PDXDC1: variants seen among roughly 807,000 people sequenced by gnomAD.
PDXDC1 encodes pyridoxal dependent decarboxylase domain containing 1.
A neutral mutation model predicts 100.1 loss-of-function variants in PDXDC1; 42 were observed. That is an observed-to-expected ratio of 0.42 (90% CI 0.33 to 0.54). PDXDC1 has a LOEUF of 0.54. Ranked by LOEUF, PDXDC1 falls within the 20% of genes least tolerant of loss-of-function variation. PDXDC1 has a pLI of 0.10. For synonymous variants in PDXDC1, 260 were observed against 371.7 expected, an observed-to-expected ratio of 0.70 and a Z score of 3.46; for missense variants, 636 against 979.2, an observed-to-expected ratio of 0.65 and a Z score of 4.68.
At chr16:15,024,052 G>A (rs776151724) in intron 13 of PDXDC1, among the ~76,000 whole-genome samples, 11 of 152,394 alleles carry the variant, frequency 7.2e-5, no homozygotes, top group East Asian at 3.9e-4. Context: ...CTCAGTCATC[G>A]CTGCTCCCTT....
chr16:15,079,070 A>G (rs1016437325), intron 16 of PDXDC1, among the ~76,000 whole-genome samples: 11 of 152,086 alleles, frequency 7.2e-5, no homozygotes, highest in Admixed American at 5.9e-4. Context: ...TCGGCCTCCC[A>G]AAGTGCTGGG....
At chr16:14,991,526 A>ATTTTTT (rs1168644641) in intron 1 of PDXDC1, among the ~76,000 whole-genome samples, 9 of 136,450 alleles carry the variant, frequency 6.6e-5, no homozygotes, top group African/African-American at 1.9e-4. Context: ...TATTTTGTCT[A>ATTTTTT]TTTTTTTTTT....
chr16:15,083,448 T>C lies in PDXDC1; in HGVS notation c.1399+53392T>C, dbSNP rs1448900791. ...CTGGAAAAGAAAGAAAAAGACCTAA[T>C]ATCATCTAAAATGAAATCGTACAAA... On this transcript the variant is annotated intron_variant, in intron 16 of 16. Coordinates refer to the PDXDC1 transcript ENST00000535621. The C allele has an allele frequency of 3.1e-6, 5 of 1,597,674 alleles. No homozygotes were observed. The African/African-American group carries it at 4.1e-5, about 13-fold the overall frequency.
chr16:15,106,426 A>C (rs1414152475), intron 16 of PDXDC1: 2 of 602,326 alleles, frequency 3.3e-6, no homozygotes. Context: ...TACACAATCT[A>C]TCTCTACCTA....
At chr16:15,073,217 G>A in intron 16 of PDXDC1, 1 of 998,406 alleles carries the variant, frequency 1.0e-6, no homozygotes, top group Non-Finnish European at 1.5e-6. Flanking sequence ...TGCAATCCCA[G>A]CACTTTGGGA....
At chr16:15,057,042 C>T (rs758442463) in intron 16 of PDXDC1, among the ~76,000 whole-genome samples, 2 of 152,158 alleles carry the variant, frequency 1.3e-5, no homozygotes, top group Non-Finnish European at 2.9e-5. Context: ...ATTCATCCAA[C>T]TCTGCAGCAC....
At chr16:15,141,324 G>C (rs1376008857), downstream of PDXDC1, among the ~76,000 whole-genome samples, 4 of 152,252 alleles carry the variant, frequency 2.6e-5, no homozygotes, top group Non-Finnish European at 5.9e-5. Flanking sequence ...CACCCCAGCT[G>C]AGGGGACAGA....
chr16:14,994,419 T>G (rs2151297905), intron 1 of PDXDC1, among the ~76,000 whole-genome samples: 1 of 152,424 alleles, frequency 6.6e-6, no homozygotes, highest in South Asian at 2.1e-4. Flanking sequence ...TTTCTTGTTT[T>G]TGTCAGGTTT....
At chr16:15,105,056 TAAAG>T (rs1236331498) in intron 16 of PDXDC1, among the ~76,000 whole-genome samples, 2 of 135,842 alleles carry the variant, frequency 1.5e-5, no homozygotes, top group African/African-American at 5.4e-5. Flanking sequence ...AACAGAGTAA[TAAAG>T]AAGCATGTTT....
chr16:15,046,348 G>C (rs1057111204), intron 16 of PDXDC1, among the ~76,000 whole-genome samples: 12 of 152,170 alleles, frequency 7.9e-5, no homozygotes, highest in African/African-American at 2.7e-4. Context: ...AGTAAAATGA[G>C]AGCAACACCT....
At chr16:15,142,837 G>C (rs560992231), downstream of PDXDC1, among the ~76,000 whole-genome samples, 1 of 151,980 alleles carries the variant, frequency 6.6e-6, no homozygotes, top group South Asian at 2.1e-4. Context: ...CTGCAAGGAT[G>C]GGGGACACAG....
rs183159327 is a variant in PDXDC1 at position 15,036,282 on chromosome 16, T to C, written c.*7T>C. 1.2e-5 allele frequency: 20 copies of C among 1,611,632 alleles called. No individual in the cohort carries two copies. In the East Asian group the frequency reaches 2.5e-4, roughly 20 times the overall value. ...ACCGGAGAGCTTAAGATGAGACTCATTGTGTGGTTTGAGACTGTACTGAGT... is the reference window on the plus strand; with the variant it reads ...ACCGGAGAGCTTAAGATGAGACTCACTGTGTGGTTTGAGACTGTACTGAGT... On this transcript the variant is annotated 3_prime_UTR_variant, in exon 23 of 23. Transcript: ENST00000396410.
chr16:15,080,514 A>G (rs1234247811), intron 16 of PDXDC1, among the ~76,000 whole-genome samples: 2 of 152,178 alleles, frequency 1.3e-5, no homozygotes, highest in Admixed American at 1.3e-4. Context: ...AGCTCACTGC[A>G]ACCCTGAATT....
rs202186536 is a variant in PDXDC1, at chr16:15,083,164, G to T, written c.1399+53108G>T. On this transcript the variant is annotated intron_variant, in intron 16 of 16. Transcript: ENST00000535621. ...TTCACTAATCCCAGCACTTTGGGAG[G>T]CCGAGGCAGGCAGATCACAAGGTCA... is the stretch of plus-strand genomic sequence containing the variant. 4.6e-5 allele frequency among the ~76,000 whole-genome samples: 7 copies of T among 152,304 alleles called. No homozygotes were observed. In the East Asian group the frequency reaches 9.6e-4, roughly 21 times the overall value.
At chr16:15,074,884 C>T in intron 16 of PDXDC1, 1 of 1,589,840 alleles carries the variant, frequency 6.3e-7, no homozygotes. Context: ...AAAGTAAATA[C>T]TAACATTAAA....
At chr16:15,067,436 G>A (rs1203444397) in intron 16 of PDXDC1, among the ~76,000 whole-genome samples, 1 of 80,202 alleles carries the variant, frequency 1.2e-5, no homozygotes, top group Non-Finnish European at 3.5e-5. Flanking sequence ...CATCCTAGAG[G>A]ATCAAATGAG....
intron 16 of PDXDC1, chr16:15,055,942 C>T: frequency 8.1e-7 from 1 of 1,231,852 alleles, no homozygotes; most frequent in Non-Finnish European, 1.0e-6. Flanking sequence ...GCGGCAGCCG[C>T]ACTCGCCGCC....
chr16:14,984,497 T>TATATATATA (rs1221650484), intron 1 of PDXDC1, among the ~76,000 whole-genome samples: 1 of 36,986 alleles, frequency 2.7e-5, no homozygotes, highest in East Asian at 8.2e-4. Flanking sequence ...ATATATATAT[T>TATATATATA]TTTTTTTTTT....
downstream of PDXDC1, among the ~76,000 whole-genome samples, chr16:15,039,761 G>A (rs2043724766): frequency 6.6e-6 from 1 of 152,164 alleles, no homozygotes; most frequent in Non-Finnish European, 1.5e-5. Flanking sequence ...CTTTTAGGCA[G>A]AGAACTGGAG....
Sources: gnomAD v4.1 joint callset for allele counts (sites outside exome capture counted in the v4.1 genomes callset) on GRCh38, gnomAD v4.1.1 for gene constraint, MANE v1.5 for transcripts, NCBI Gene and HGNC (gene_info 2026-07-23, HGNC 2026-07-21) for gene names.